Variants in RABGAP1L observed in about 807,000 individuals in gnomAD.
RABGAP1L encodes rab GTPase-activating protein 1-like.
RABGAP1L carries 63 observed loss-of-function variants against 137.7 expected under a neutral mutation model. That is an observed-to-expected ratio of 0.46 (90% CI 0.37 to 0.56). RABGAP1L has a LOEUF of 0.56. RABGAP1L is among the 20% of genes least tolerant of loss of function. The pLI, the probability that RABGAP1L is intolerant of heterozygous loss-of-function variation, is 0.00. For missense variants in RABGAP1L, 1,095 were observed against 1,244.0 expected, an observed-to-expected ratio of 0.88 and a Z score of 1.80; for synonymous variants, 431 against 433.7, an observed-to-expected ratio of 0.99 and a Z score of 0.08.
chr1:174,976,184 TA>T lies in RABGAP1L; in HGVS notation c.2649+6del. 6.5e-6 allele frequency: 10 copies of T among 1,539,652 alleles called. No individual in the cohort carries two copies. The highest frequency in any genetic ancestry group is 8.8e-6 in the Non-Finnish European group (10 of 1,137,016). On this transcript the variant is annotated splice_donor_region_variant and intron_variant, in intron 22 of 25. Coordinates refer to ENST00000681986, the MANE Select transcript of RABGAP1L (RefSeq NM_001366446.1). ...AAGCAAGAGGAAGAGACTGCCCAGGTAAAAGGAATAATATGTAGGCTTTTCT... is the reference window on the plus strand; with the variant it reads ...AAGCAAGAGGAAGAGACTGCCCAGGTAAAGGAATAATATGTAGGCTTTTCT...
At chr1:174,237,870 C>G (rs959575538) in intron 4 of RABGAP1L, among the ~76,000 whole-genome samples, 5 of 150,638 alleles carry the variant, frequency 3.3e-5, no homozygotes, top group Non-Finnish European at 7.4e-5. Context: ...GAGTGTTTTC[C>G]AACTTGGTTC....
rs1289850011 is a variant in RABGAP1L, at chr1:174,969,489, G to A, written c.2544+102G>A. On this transcript the variant is annotated intron_variant, in intron 21 of 25. Transcript: ENST00000681986. Reference sequence around the variant, plus strand: ...TTGCTTTGTTCTTGACTTTGTTCTTGAGGAATGGACAAGTGGCAGGGACAG... The same window carrying A: ...TTGCTTTGTTCTTGACTTTGTTCTTAAGGAATGGACAAGTGGCAGGGACAG... The A allele has an allele frequency of 2.7e-5, 23 of 849,888 alleles. No individual in the cohort carries two copies. In the East Asian group the frequency reaches 6.1e-4, roughly 23 times the overall value. The allele number at this position is 849,888 out of a possible 1,614,324, so 52.6% of individuals were successfully genotyped here.
chr1:174,183,753 T>C (rs1194396704), intron 1 of RABGAP1L, among the ~76,000 whole-genome samples: 3 of 152,190 alleles, frequency 2.0e-5, no homozygotes, highest in African/African-American at 7.2e-5. Context: ...CTAAAAATCC[T>C]GTCTTCAGCC....
chr1:174,725,631 G>T (rs1310633117), intron 17 of RABGAP1L, among the ~76,000 whole-genome samples: 1 of 151,730 alleles, frequency 6.6e-6, no homozygotes, highest in Non-Finnish European at 1.5e-5. Context: ...AAGAGTGCAG[G>T]TGCCTTATGT....
At chr1:174,615,731 C>A (rs1259489157) in intron 13 of RABGAP1L, among the ~76,000 whole-genome samples, 2 of 152,174 alleles carry the variant, frequency 1.3e-5, no homozygotes, top group Non-Finnish European at 2.9e-5. Context: ...TGGGCTCCAT[C>A]CAGTTCGAGC....
chr1:174,380,160 C>G, intron 12 of RABGAP1L, among the ~76,000 whole-genome samples: 1 of 151,436 alleles, frequency 6.6e-6, no homozygotes, highest in Non-Finnish European at 1.5e-5. Context: ...GGTGGATAAG[C>G]TTTTTGATGT....
intron 13 of RABGAP1L, among the ~76,000 whole-genome samples, chr1:174,440,695 A>G (rs1654028542): frequency 6.6e-6 from 1 of 152,098 alleles, no homozygotes; most frequent in South Asian, 2.1e-4. Flanking sequence ...AGCTGGGATT[A>G]CAGGCGTGCA....
chr1:174,731,103 T>A (rs925430953), intron 17 of RABGAP1L, among the ~76,000 whole-genome samples: 1 of 152,174 alleles, frequency 6.6e-6, no homozygotes, highest in African/African-American at 2.4e-5. Context: ...GCTTCCCCAG[T>A]AGCTGGTATT....
intron 13 of RABGAP1L, among the ~76,000 whole-genome samples, chr1:174,437,686 A>C (rs1653573412): frequency 6.6e-6 from 1 of 152,224 alleles, no homozygotes; most frequent in African/African-American, 2.4e-5. Flanking sequence ...CTAGCAAGGC[A>C]GACCAACATT....
chr1:174,983,471 A>G (rs575174658), intron 24 of RABGAP1L, among the ~76,000 whole-genome samples: 1 of 152,330 alleles, frequency 6.6e-6, no homozygotes, highest in South Asian at 2.1e-4. Flanking sequence ...TGCTTATTCC[A>G]TAGAAACAAC....
chr1:174,319,130 C>G (rs1443351586), intron 11 of RABGAP1L, among the ~76,000 whole-genome samples: 1 of 152,000 alleles, frequency 6.6e-6, no homozygotes, highest in Non-Finnish European at 1.5e-5. Context: ...GTTTTTCTTA[C>G]TAATTAACAT....
chr1:174,723,550 T>G (rs1681750800), intron 17 of RABGAP1L, among the ~76,000 whole-genome samples: 1 of 152,190 alleles, frequency 6.6e-6, no homozygotes, highest in Admixed American at 6.5e-5. Context: ...TAGTCACTGT[T>G]TATATAATAA....
chr1:174,387,886 A>AT (rs1194180013), intron 12 of RABGAP1L, among the ~76,000 whole-genome samples: 8 of 151,936 alleles, frequency 5.3e-5, no homozygotes, highest in Non-Finnish European at 1.0e-4. Context: ...TACAATTCAA[A>AT]TTTTTTTTAT....
At position 174,394,980 on chromosome 1, in the gene RABGAP1L, T is replaced by TA. The variant is rs1004486681; in HGVS notation, c.1710+838dup. Among the ~76,000 whole-genome samples the TA allele has an allele frequency of 8.6e-5, 13 of 151,820 alleles. No homozygotes were observed. The East Asian group carries it at 2.3e-3, about 27-fold the overall frequency. Reference sequence around the variant, plus strand: ...TTTTTTTAATTTAACTTTTTTTTTTTAAATTGATGGCCTCTGCATTGGAAT... The same window carrying TA: ...TTTTTTTAATTTAACTTTTTTTTTTTAAAATTGATGGCCTCTGCATTGGAAT... On this transcript the variant is annotated intron_variant, in intron 13 of 25. Transcript: ENST00000681986.
intron 14 of RABGAP1L, among the ~76,000 whole-genome samples, chr1:174,680,326 A>G (rs1255800552): frequency 6.6e-6 from 1 of 152,196 alleles, no homozygotes; most frequent in Non-Finnish European, 1.5e-5. Flanking sequence ...GTGCTTTAAT[A>G]AAAGAGGCCG....
At chr1:174,569,194 A>G (rs1447909053) in intron 13 of RABGAP1L, among the ~76,000 whole-genome samples, 1 of 152,176 alleles carries the variant, frequency 6.6e-6, no homozygotes, top group Non-Finnish European at 1.5e-5. Context: ...GTGAAAAACC[A>G]CATTTCTTAA....
intron 17 of RABGAP1L, among the ~76,000 whole-genome samples, chr1:174,734,084 G>A (rs748375479): frequency 2.0e-5 from 3 of 152,216 alleles, no homozygotes; most frequent in African/African-American, 2.4e-5. Flanking sequence ...CATTGAAGAA[G>A]AGATTGGAGG....
At chr1:174,550,893 T>TATATATATATATATAC (rs1666399635) in intron 13 of RABGAP1L, among the ~76,000 whole-genome samples, 3 of 55,494 alleles carry the variant, frequency 5.4e-5, no homozygotes, top group Non-Finnish European at 9.4e-5. Flanking sequence ...TATATATATA[T>TATATATATATATATAC]ATACACACAC....
chr1:174,569,048 T>C (rs2148043099), intron 13 of RABGAP1L, among the ~76,000 whole-genome samples: 1 of 152,352 alleles, frequency 6.6e-6, no homozygotes, highest in Non-Finnish European at 1.5e-5. Context: ...GTCTCCATTT[T>C]ATAGATGAGA....
Sources: allele counts gnomAD v4.1 joint callset (sites outside exome capture counted in the v4.1 genomes callset), GRCh38; gene constraint gnomAD v4.1.1; transcripts MANE v1.5; gene names NCBI Gene and HGNC (gene_info 2026-07-23, HGNC 2026-07-21).